The following ZNF385D variants were observed in gnomAD, a reference collection of about 807,000 sequenced individuals.
ZNF385D encodes zinc finger protein 385D, also known as zinc finger protein 659.
A neutral mutation model predicts 35.8 loss-of-function variants in ZNF385D; 15 were observed. The ratio of observed to expected loss-of-function variants is 0.42; its 90% CI spans 0.28 to 0.64. ZNF385D has a LOEUF of 0.64. Among genes scored for constraint, ZNF385D ranks in the 30% least tolerant of loss-of-function variants. ZNF385D has a pLI of 0.23. For synonymous variants in ZNF385D, 212 were observed against 186.8 expected, an observed-to-expected ratio of 1.13 and a Z score of -1.10; for missense variants, 474 against 494.6, an observed-to-expected ratio of 0.96 and a Z score of 0.39.
At chr3:22,274,516 A>T (rs931938359) in intron 2 of ZNF385D, among the ~76,000 whole-genome samples, 1 of 152,012 alleles carries the variant, frequency 6.6e-6, no homozygotes, top group African/African-American at 2.4e-5. Flanking sequence ...ATCACTTATG[A>T]TTTTTAATGG....
In ZNF385D at chr3:21,516,974, T is replaced by TA. The variant is rs201247867; in HGVS notation, c.277-5952dup. ...ATGTTTTTCCCTTTTTTTGTTTTTTTAAAAAAATCTAATTTATTAAATTTT... is the reference window on the plus strand; with the variant it reads ...ATGTTTTTCCCTTTTTTTGTTTTTTTAAAAAAAATCTAATTTATTAAATTTT... On this transcript the variant is annotated intron_variant, in intron 3 of 7. Coordinates refer to ENST00000281523, the MANE Select transcript of ZNF385D (RefSeq NM_024697.3). 9.7e-4 allele frequency among the ~76,000 whole-genome samples: 148 copies of TA among 152,140 alleles called. No individual in the cohort carries two copies. The East Asian group carries it at 0.024, about 24-fold the overall frequency.
At chr3:22,248,037 A>G (rs550547421) in intron 2 of ZNF385D, among the ~76,000 whole-genome samples, 15 of 152,344 alleles carry the variant, frequency 9.8e-5, no homozygotes, top group African/African-American at 3.4e-4. Flanking sequence ...TTAAGTCAAC[A>G]AAACAATGAC....
intron 3 of ZNF385D, among the ~76,000 whole-genome samples, chr3:22,130,989 T>TAA (rs199847673): frequency 1.3e-5 from 2 of 151,076 alleles, no homozygotes; most frequent in African/African-American, 4.9e-5. Flanking sequence ...AGATCCAGGC[T>TAA]AAAAAAAAAT....
chr3:22,182,109 C>G (rs1326217655), intron 2 of ZNF385D, among the ~76,000 whole-genome samples: 2 of 152,052 alleles, frequency 1.3e-5, no homozygotes, highest in Admixed American at 1.3e-4. Flanking sequence ...TGGACTACTG[C>G]TCCTCAGAAA....
At chr3:21,542,838 C>A (rs943668199) in intron 3 of ZNF385D, 1 of 152,080 alleles carries the variant, frequency 6.6e-6, no homozygotes, top group Non-Finnish European at 1.5e-5. Flanking sequence ...TTTCTTCCCG[C>A]CGACTTTCAC....
chr3:22,140,874 G>A (rs1328698328), intron 3 of ZNF385D, among the ~76,000 whole-genome samples: 1 of 152,184 alleles, frequency 6.6e-6, no homozygotes, highest in Non-Finnish European at 1.5e-5. Context: ...ATTATCAGAA[G>A]ACAAATGAGA....
intron 1 of ZNF385D, among the ~76,000 whole-genome samples, chr3:21,722,099 C>CCA (rs2068566095): frequency 8.9e-6 from 1 of 112,570 alleles, no homozygotes; most frequent in Non-Finnish European, 1.9e-5. Context: ...GACTCTGTCT[C>CCA]AAAAAAAAAA....
intron 2 of ZNF385D, among the ~76,000 whole-genome samples, chr3:22,243,372 ATAGT>A (rs1457280761): frequency 6.6e-6 from 1 of 151,150 alleles, no homozygotes; most frequent in Admixed American, 6.6e-5. Flanking sequence ...AATTTTTGAA[ATAGT>A]TAGATTTACA....
At chr3:22,119,995 C>CTT (rs11345782) in intron 3 of ZNF385D, among the ~76,000 whole-genome samples, 1 of 136,294 alleles carries the variant, frequency 7.3e-6, no homozygotes, top group African/African-American at 2.7e-5. Context: ...TTTCTTTTTT[C>CTT]TTTTTTTTTT....
chr3:22,072,286 G>T (rs999208240), intron 3 of ZNF385D, among the ~76,000 whole-genome samples: 1 of 152,064 alleles, frequency 6.6e-6, no homozygotes, highest in African/African-American at 2.4e-5. Context: ...TACAACAGAT[G>T]CTGTGACCTT....
chr3:21,662,096 T>C (rs1166477046), intron 2 of ZNF385D, among the ~76,000 whole-genome samples: 1 of 152,160 alleles, frequency 6.6e-6, no homozygotes. Flanking sequence ...CTTTGCTTTA[T>C]AAAGGTCATA....
chr3:21,946,926 G>C (rs1306054316), intron 3 of ZNF385D, among the ~76,000 whole-genome samples: 3 of 152,166 alleles, frequency 2.0e-5, no homozygotes, highest in Non-Finnish European at 4.4e-5. Context: ...ACATTGCAAT[G>C]TGCAGATCTA....
At chr3:21,871,622 T>G (rs1697694416) in intron 3 of ZNF385D, among the ~76,000 whole-genome samples, 1 of 152,184 alleles carries the variant, frequency 6.6e-6, no homozygotes, top group African/African-American at 2.4e-5. Flanking sequence ...CTATTCTATC[T>G]ATGCCTCTTT....
intron 3 of ZNF385D, among the ~76,000 whole-genome samples, chr3:22,031,121 C>A (rs1697972534): frequency 6.6e-6 from 1 of 152,158 alleles, no homozygotes; most frequent in Non-Finnish European, 1.5e-5. Flanking sequence ...AGCCACGTGG[C>A]TGCTTTCTTA....
At chr3:21,788,168 T>A (rs1163963307) in intron 3 of ZNF385D, among the ~76,000 whole-genome samples, 1 of 152,106 alleles carries the variant, frequency 6.6e-6, no homozygotes, top group Non-Finnish European at 1.5e-5. Flanking sequence ...GTATCTTCCA[T>A]CGAGTAGAAA....
At chr3:22,232,724 T>G (rs1698967245) in intron 2 of ZNF385D, among the ~76,000 whole-genome samples, 1 of 152,208 alleles carries the variant, frequency 6.6e-6, no homozygotes, top group Admixed American at 6.5e-5. Flanking sequence ...GAACTCATCC[T>G]TTTTAATGGC....
chr3:22,312,473 G>C (rs558825864), intron 2 of ZNF385D, among the ~76,000 whole-genome samples: 20 of 151,864 alleles, frequency 1.3e-4, no homozygotes, highest in Non-Finnish European at 2.5e-4. Flanking sequence ...GCAACCTACA[G>C]AATGGGAGAA....
chr3:22,310,363 T>A (rs1434812135), intron 2 of ZNF385D, among the ~76,000 whole-genome samples: 3 of 152,018 alleles, frequency 2.0e-5, no homozygotes, highest in African/African-American at 4.8e-5. Context: ...CTGTAACTTT[T>A]ACATGATAAC....
intron 3 of ZNF385D, among the ~76,000 whole-genome samples, chr3:21,853,385 T>A (rs369646118): frequency 1.3e-5 from 2 of 151,864 alleles, no homozygotes; most frequent in Non-Finnish European, 2.9e-5. Flanking sequence ...AGAAATAATA[T>A]GTTCAGTAAG....
Sources: allele counts gnomAD v4.1 joint callset (sites outside exome capture counted in the v4.1 genomes callset), GRCh38; gene constraint gnomAD v4.1.1; transcripts MANE v1.5; gene names NCBI Gene and HGNC (gene_info 2026-07-23, HGNC 2026-07-21).